Variants in GABRG3 observed in about 807,000 individuals in gnomAD.
The protein encoded by GABRG3 is gamma-aminobutyric acid receptor subunit gamma-3.
In GABRG3, 25 loss-of-function variants were observed where a neutral mutation model predicts 48.8. That is an observed-to-expected ratio of 0.51 (90% CI 0.37 to 0.72). The LOEUF is 0.72. GABRG3 is among the 30% of genes least tolerant of loss of function. The pLI, the probability that GABRG3 is intolerant of heterozygous loss-of-function variation, is 0.00. For missense variants in GABRG3, 394 were observed against 577.9 expected, an observed-to-expected ratio of 0.68 and a Z score of 3.26; for synonymous variants, 227 against 217.6, an observed-to-expected ratio of 1.04 and a Z score of -0.38.
chr15:27,370,125 A>G lies in GABRG3; in HGVS notation c.574+41237A>G, dbSNP rs543867144. Among the ~76,000 whole-genome samples the G allele has an allele frequency of 7.9e-5, 12 of 152,352 alleles. No individual in the cohort carries two copies. In the South Asian group the frequency reaches 8.3e-4, roughly 11 times the overall value. The stretch of plus-strand genomic sequence containing the variant: ...CAGCAGCAAATGCATTGAAAGCAGC[A>G]TGCTTCCATGGAATTAAATATTGGG... On this transcript the variant is annotated intron_variant, in intron 5 of 9. Coordinates refer to ENST00000615808, the MANE Select transcript of GABRG3 (RefSeq NM_033223.5).
chr15:27,434,581 C>A lies in GABRG3; in HGVS notation c.575-46069C>A, dbSNP rs373951362. On this transcript the variant is annotated intron_variant, in intron 5 of 9. Coordinates refer to ENST00000615808, the MANE Select transcript of GABRG3 (RefSeq NM_033223.5). Reference sequence around the variant, plus strand: ...GAAATAATCTAATTCATGTTGACTACCTCTTAAAATGAAAACAAATGATAG... The same window carrying A: ...GAAATAATCTAATTCATGTTGACTAACTCTTAAAATGAAAACAAATGATAG... Among the ~76,000 whole-genome samples, 15 of 152,158 alleles carry A rather than the reference C, an allele frequency of 9.9e-5. No homozygotes were observed. The South Asian group carries it at 2.9e-3, about 29-fold the overall frequency.
intron 3 of GABRG3, among the ~76,000 whole-genome samples, chr15:27,233,580 T>C (rs1889865817): frequency 6.6e-6 from 1 of 152,072 alleles, no homozygotes; most frequent in Non-Finnish European, 1.5e-5. Flanking sequence ...ACTAATCTCA[T>C]CACGAAGGCT....
rs1268949650 is a variant in GABRG3, at chr15:27,457,637, G to A, written c.575-23013G>A. Among the ~76,000 whole-genome samples the A allele has an allele frequency of 6.6e-6, 1 of 152,168 alleles. No homozygotes were observed. The highest frequency in any genetic ancestry group is 1.5e-5 in the Non-Finnish European group (1 of 68,040). On this transcript the variant is annotated intron_variant, in intron 5 of 9. Coordinates refer to ENST00000615808, the MANE Select transcript of GABRG3 (RefSeq NM_033223.5). The surrounding 1 kb of genome is among the most constrained non-coding windows in gnomAD (Gnocchi z 4.4). ...ACTGTACCAGCCCTGCCCTCTCTAG[G>A]ACGGGCTGCCTCCTTGGAGTCTGCA... is the stretch of plus-strand genomic sequence containing the variant.
chr15:27,241,441 C>T (rs540922485), intron 3 of GABRG3, among the ~76,000 whole-genome samples: 6 of 152,258 alleles, frequency 3.9e-5, no homozygotes, highest in Middle Eastern at 3.4e-3. Context: ...TATTTCCATC[C>T]TTATTTTGGG....
intron 3 of GABRG3, among the ~76,000 whole-genome samples, chr15:27,109,664 C>G (rs1404835635): frequency 6.6e-6 from 1 of 152,186 alleles, no homozygotes; most frequent in Non-Finnish European, 1.5e-5. Flanking sequence ...GGGCGAATCA[C>G]CCGGACTCAG....
chr15:27,169,408 G>A (rs1887488769), intron 3 of GABRG3, among the ~76,000 whole-genome samples: 1 of 152,158 alleles, frequency 6.6e-6, no homozygotes, highest in Admixed American at 6.6e-5. Context: ...CTGATTGAAG[G>A]CCAGTGAGTG....
intron 3 of GABRG3, among the ~76,000 whole-genome samples, chr15:27,295,944 A>G (rs190663447): frequency 2.6e-5 from 4 of 152,272 alleles, no homozygotes; most frequent in Admixed American, 2.6e-4. Context: ...GGGAAATGGT[A>G]GCCCTTGATC....
intron 5 of GABRG3, among the ~76,000 whole-genome samples, chr15:27,376,386 C>T (rs1263673075): frequency 6.6e-6 from 1 of 152,240 alleles, no homozygotes; most frequent in Non-Finnish European, 1.5e-5. Flanking sequence ...CACAGCTCCA[C>T]TAGGCAGTGC....
rs909501988 is a variant in GABRG3 at position 27,129,719 on chromosome 15, T to G, written c.270+102898T>G. Among the ~76,000 whole-genome samples the G allele has an allele frequency of 9.2e-5, 14 of 152,238 alleles. No homozygotes were observed. In the East Asian group the frequency reaches 2.3e-3, roughly 25 times the overall value. ...ACTTGTTAGTTTCTGTTTTGTTTTT[T>G]TTTTTTTCATAACAGCCATGCTAAT... is the stretch of plus-strand genomic sequence containing the variant. On this transcript the variant is annotated intron_variant, in intron 3 of 9. Coordinates refer to ENST00000615808, the MANE Select transcript of GABRG3 (RefSeq NM_033223.5).
rs1891643936 is a variant in GABRG3, at chr15:27,540,646, C to G, written c.*7765C>G. Reference sequence around the variant, plus strand: ...TTTTGTGCTAGTGAACCAAGTTTACCTGCTCACACGTTTGTACAACTACAC... The same window carrying G: ...TTTTGTGCTAGTGAACCAAGTTTACGTGCTCACACGTTTGTACAACTACAC... On this transcript the variant is annotated 3_prime_UTR_variant, in exon 10 of 10. Transcript: ENST00000615808. 6.6e-6 allele frequency: 1 copy of G among 152,190 alleles called. No individual in the cohort carries two copies. Among genetic ancestry groups the G allele is most frequent in the African/African-American group, 2.4e-5 (1 of 41,432 alleles). The allele number at this position is 152,190 out of a possible 1,614,324, so 9.4% of individuals were successfully genotyped here.
rs1491007105 is a variant in GABRG3 at position 27,480,797 on chromosome 15, TAC to T, written c.712+11_712+12del. 2 of 1,613,320 alleles carry T rather than the reference TAC, an allele frequency of 1.2e-6. No homozygotes were observed. Among genetic ancestry groups the T allele is most frequent in the Non-Finnish European group, 8.5e-7 (1 of 1,179,650 alleles). ...GTGACAACGTCTGCAGGTAGGAATT[TAC>T]TGAAAGAGGCACAGCTCTCAAAAGC... On this transcript the variant is annotated intron_variant, in intron 6 of 9. Coordinates refer to ENST00000615808, the MANE Select transcript of GABRG3 (RefSeq NM_033223.5).
At chr15:27,309,512 T>C (rs1295148420) in intron 3 of GABRG3, among the ~76,000 whole-genome samples, 2 of 151,980 alleles carry the variant, frequency 1.3e-5, no homozygotes, top group Non-Finnish European at 2.9e-5. Flanking sequence ...GTAAAAGGCA[T>C]GAACAAACAC....
chr15:27,260,633 G>A (rs1778488601), intron 3 of GABRG3, among the ~76,000 whole-genome samples: 1 of 152,142 alleles, frequency 6.6e-6, no homozygotes, highest in Non-Finnish European at 1.5e-5. Flanking sequence ...AGATTTTGGT[G>A]TCTGTGGGGT....
At chr15:27,391,087 C>CAA (rs754876404) in intron 5 of GABRG3, among the ~76,000 whole-genome samples, 2 of 132,852 alleles carry the variant, frequency 1.5e-5, no homozygotes, top group African/African-American at 2.8e-5. Context: ...GACTCCATCT[C>CAA]AAAAAAAAAA....
chr15:27,306,448 C>A (rs1892454936), intron 3 of GABRG3, among the ~76,000 whole-genome samples: 1 of 136,832 alleles, frequency 7.3e-6, no homozygotes, highest in Non-Finnish European at 1.5e-5. Context: ...GAACATATGT[C>A]TACATATAAA....
chr15:27,358,618 C>T (rs918973469), intron 5 of GABRG3, among the ~76,000 whole-genome samples: 1 of 151,998 alleles, frequency 6.6e-6, no homozygotes, highest in Non-Finnish European at 1.5e-5. Flanking sequence ...CGGGTTCCAC[C>T]GAGATCCAAA....
intron 3 of GABRG3, among the ~76,000 whole-genome samples, chr15:27,160,137 C>T (rs1326736210): frequency 6.6e-6 from 1 of 152,156 alleles, no homozygotes; most frequent in Non-Finnish European, 1.5e-5. Flanking sequence ...TGCTTCCTTA[C>T]TTTGGTGGAG....
At chr15:27,130,371 T>C (rs1364007428) in intron 3 of GABRG3, among the ~76,000 whole-genome samples, 1 of 152,156 alleles carries the variant, frequency 6.6e-6, no homozygotes, top group Non-Finnish European at 1.5e-5. Context: ...TTGTGTGGCT[T>C]TATTTCTGGG....
rs73357705 is a variant in GABRG3 at position 27,212,615 on chromosome 15, A to G, written c.271-114194A>G. Among the ~76,000 whole-genome samples the G allele has an allele frequency of 4.8e-3, 736 of 152,322 alleles. 5 individuals are homozygous for G. Among genetic ancestry groups the G allele is most frequent in the African/African-American group, 0.017 (718 of 41,562 alleles). ...CCATCTTAGCCATTTTCATGGGACC[A>G]TTCACTAGTGTGAAGCACATTCACG... On this transcript the variant is annotated intron_variant, in intron 3 of 9. Transcript: ENST00000615808.
Sources: gnomAD v4.1 joint callset for allele counts (sites outside exome capture counted in the v4.1 genomes callset) on GRCh38, gnomAD v4.1.1 for gene constraint, Gnocchi (gnomAD v3.1) non-coding constraint, MANE v1.5 for transcripts, NCBI Gene and HGNC (gene_info 2026-07-23, HGNC 2026-07-21) for gene names.